Variants in MARCHF1 observed in about 807,000 individuals in gnomAD.
MARCHF1 encodes membrane associated ring-CH-type finger 1, also known as E3 ubiquitin-protein ligase MARCHF1.
In MARCHF1, 40 loss-of-function variants were observed where a neutral mutation model predicts 54.2. That is an observed-to-expected ratio of 0.74 (90% confidence interval 0.57 to 0.96). The LOEUF is 0.96. Ranked by LOEUF, MARCHF1 falls within the 40% of genes least tolerant of loss-of-function variation. The pLI is 0.00. For synonymous variants in MARCHF1, 236 were observed against 236.3 expected (o/e 1.00, Z 0.01); for missense variants, 586 against 656.5 (o/e 0.89, Z 1.17).
At chr4:163,850,940 G>A (rs1285912453) in intron 4 of MARCHF1, among the ~76,000 whole-genome samples, 4 of 152,106 alleles carry the variant, frequency 2.6e-5, no homozygotes, top group African/African-American at 9.7e-5. Flanking sequence ...TTCTTCTAAA[G>A]CCCAAATGGT....
At chr4:164,239,260 A>T (rs1306851997) in intron 1 of MARCHF1, among the ~76,000 whole-genome samples, 1 of 152,116 alleles carries the variant, frequency 6.6e-6, no homozygotes, top group Non-Finnish European at 1.5e-5. Context: ...TGGATGTGTC[A>T]TGATCAAAGT....
At chr4:163,637,269 T>G (rs1384584641) in intron 5 of MARCHF1, among the ~76,000 whole-genome samples, 1 of 151,986 alleles carries the variant, frequency 6.6e-6, no homozygotes, top group African/African-American at 2.4e-5. Flanking sequence ...ACTAAAGAGC[T>G]TCTGCACAGC....
intron 1 of MARCHF1, among the ~76,000 whole-genome samples, chr4:164,266,017 C>A (rs1260867346): frequency 6.6e-6 from 1 of 152,138 alleles, no homozygotes; most frequent in African/African-American, 2.4e-5. Context: ...CAAGTAAGAA[C>A]CATGCCTGTT....
At chr4:164,193,493 C>T (rs888549620) in intron 1 of MARCHF1, among the ~76,000 whole-genome samples, 3 of 152,092 alleles carry the variant, frequency 2.0e-5, no homozygotes, top group African/African-American at 2.4e-5. Flanking sequence ...TGACACAGAA[C>T]AGGAAAGATC....
chr4:163,897,670 C>A (rs2111295484), intron 3 of MARCHF1, among the ~76,000 whole-genome samples: 1 of 152,134 alleles, frequency 6.6e-6, no homozygotes, highest in African/African-American at 2.4e-5. Context: ...TAACCATATG[C>A]AGACAAATGG....
intron 1 of MARCHF1, among the ~76,000 whole-genome samples, chr4:164,193,573 G>A (rs980559104): frequency 4.2e-4 from 64 of 151,948 alleles, no homozygotes; most frequent in African/African-American, 1.5e-3. Flanking sequence ...TTGAGTAAAT[G>A]GAATACATTT....
chr4:163,605,149 A>C (rs1579104873), intron 7 of MARCHF1, among the ~76,000 whole-genome samples: 1 of 152,230 alleles, frequency 6.6e-6, no homozygotes, highest in East Asian at 1.9e-4. Context: ...CGCTTTAGGC[A>C]CAATTTCTTA....
chr4:164,179,229 G>C (rs539041659), intron 1 of MARCHF1, among the ~76,000 whole-genome samples: 1 of 152,246 alleles, frequency 6.6e-6, no homozygotes, highest in African/African-American at 2.4e-5. Flanking sequence ...ATGGAACTCT[G>C]TAAAGGAAAG....
chr4:163,613,508 G>A (rs892812153), intron 5 of MARCHF1, 115 bp from the exon 6 acceptor site: 1 of 1,609,850 alleles, frequency 6.2e-7, no homozygotes, highest in South Asian at 1.1e-5. Context: ...TGGTCATGTT[G>A]CTTATAATGC....
chr4:163,953,803 T>A (rs2110789672), intron 3 of MARCHF1, among the ~76,000 whole-genome samples: 1 of 152,336 alleles, frequency 6.6e-6, no homozygotes, highest in East Asian at 1.9e-4. Flanking sequence ...CATGTAGTTT[T>A]ATTGGAATAC....
At chr4:164,304,566 G>T (rs890908317) in intron 1 of MARCHF1, among the ~76,000 whole-genome samples, 1 of 152,154 alleles carries the variant, frequency 6.6e-6, no homozygotes, top group Non-Finnish European at 1.5e-5. Flanking sequence ...AATTCTTAGA[G>T]GTACCTAGCC....
chr4:163,940,235 A>C (rs563178640), intron 3 of MARCHF1, among the ~76,000 whole-genome samples: 1 of 152,250 alleles, frequency 6.6e-6, no homozygotes, highest in Admixed American at 6.5e-5. Flanking sequence ...CACTAACTTT[A>C]TGATGTTCTA....
chr4:163,720,336 G>A (rs1468511326), intron 4 of MARCHF1, among the ~76,000 whole-genome samples: 2 of 152,168 alleles, frequency 1.3e-5, no homozygotes, highest in Non-Finnish European at 2.9e-5. Context: ...TCAGATGGTT[G>A]TAGATGTGTG....
At chr4:164,302,090 C>G (rs569310285) in intron 1 of MARCHF1, among the ~76,000 whole-genome samples, 1 of 152,282 alleles carries the variant, frequency 6.6e-6, no homozygotes, top group South Asian at 2.1e-4. Flanking sequence ...AATGGGCATT[C>G]AGAACCTAAA....
intron 4 of MARCHF1, among the ~76,000 whole-genome samples, chr4:163,719,351 G>A (rs976718939): frequency 2.0e-5 from 3 of 152,124 alleles, no homozygotes; most frequent in Non-Finnish European, 4.4e-5. Context: ...CCCTACAAAG[G>A]ACATGAACTC....
chr4:163,737,233 T>C (rs1236434664), intron 4 of MARCHF1, among the ~76,000 whole-genome samples: 1 of 102,836 alleles, frequency 9.7e-6, no homozygotes, highest in African/African-American at 3.1e-5. Context: ...TTTTTTATTA[T>C]ACTCTAAGTT....
At chr4:163,990,517 T>C (rs1752951684) in intron 2 of MARCHF1, among the ~76,000 whole-genome samples, 1 of 152,202 alleles carries the variant, frequency 6.6e-6, no homozygotes, top group Non-Finnish European at 1.5e-5. Flanking sequence ...AAACCTGGCA[T>C]TTATTCATCA....
intron 8 of MARCHF1, among the ~76,000 whole-genome samples, chr4:163,554,454 G>A (rs1739218903): frequency 6.6e-6 from 1 of 152,280 alleles, no homozygotes; most frequent in Middle Eastern, 3.4e-3. Flanking sequence ...GGCCTGGGGT[G>A]GTGTGGAGGG....
intron 1 of MARCHF1, among the ~76,000 whole-genome samples, chr4:164,334,248 G>A (rs755376964): frequency 1.1e-4 from 16 of 152,298 alleles, no homozygotes; most frequent in South Asian, 6.2e-4. Flanking sequence ...GGAAGGAAAC[G>A]CCATTAGGAG....
Sources: gnomAD v4.1 joint callset for allele counts (sites outside exome capture counted in the v4.1 genomes callset) on GRCh38, gnomAD v4.1.1 for gene constraint, MANE v1.5 for transcripts, NCBI Gene and HGNC (gene_info 2026-07-23, HGNC 2026-07-21) for gene names.